The following DGKZ variants were observed in gnomAD, a reference collection of about 807,000 sequenced individuals.
DGKZ encodes the protein diacylglycerol kinase zeta.
DGKZ carries 45 observed loss-of-function variants against 142.5 expected under a neutral mutation model. That is an observed-to-expected ratio of 0.32 (90% CI 0.25 to 0.40). The LOEUF is 0.40. DGKZ is among the 10% of genes least tolerant of loss of function. The pLI, the probability that DGKZ is intolerant of heterozygous loss-of-function variation, is 1.00. For synonymous variants in DGKZ, 442 were observed against 527.0 expected (o/e 0.84, Z 2.21); for missense variants, 755 against 1,306.5 (o/e 0.58, Z 6.51).
intron 1 of DGKZ, chr11:46,366,289 G>T (rs769972291): frequency 8.2e-6 from 13 of 1,583,978 alleles, no homozygotes; most frequent in Non-Finnish European, 1.0e-5. Flanking sequence ...ATTTCCGGGG[G>T]AAGGTGCCAG....
Position 46,367,279 on chromosome 11 carries a change from T to C in DGKZ, c.162-12T>C, listed in dbSNP as rs1554953142. The C allele has an allele frequency of 9.3e-6, 15 of 1,609,222 alleles. No individual in the cohort carries two copies. The highest frequency in any genetic ancestry group is 1.3e-5 in the Non-Finnish European group (15 of 1,177,988). ...TGCTCAGCCCCCTCCTCAGCTGTCT[T>C]CTCCTCTCTAGGAAAGCCATCACCA... is the stretch of plus-strand genomic sequence containing the variant. On this transcript the variant is annotated splice_polypyrimidine_tract_variant and intron_variant, in intron 1 of 30. Transcript: ENST00000527911. The surrounding 1 kb of genome is among the most constrained non-coding windows in gnomAD (Gnocchi z 4.1).
At position 46,371,403 on chromosome 11, in the gene DGKZ, C is replaced by T. The variant is rs564949686; in HGVS notation, c.642+19C>T. On this transcript the variant is annotated intron_variant, in intron 7 of 30. Coordinates refer to ENST00000527911, the Ensembl canonical transcript of DGKZ. Reference sequence around the variant, plus strand: ...GCAGGCAGTGAGTGGTGCCCCCGCCCCCAGGGCCAGGCCCTGCACTGCTGG... The same window carrying T: ...GCAGGCAGTGAGTGGTGCCCCCGCCTCCAGGGCCAGGCCCTGCACTGCTGG... 2.4e-5 allele frequency: 39 copies of T among 1,613,106 alleles called. 1 individual carries two copies. The highest frequency in any genetic ancestry group is 3.3e-4 in the Middle Eastern group (2 of 6,056).
intron 1 of DGKZ, among the ~76,000 whole-genome samples, chr11:46,355,944 C>G (rs1036760235): frequency 3.3e-5 from 5 of 152,038 alleles, no homozygotes; most frequent in African/African-American, 1.2e-4. Flanking sequence ...TGGAGTTTCT[C>G]CATGTTGGTC....
At chr11:46,345,509 C>T (rs960379288), upstream of DGKZ, 8 of 1,518,860 alleles carry the variant, frequency 5.3e-6, no homozygotes, top group Admixed American at 1.8e-4. This position sits in a 1 kb window ranked among gnomAD's most constrained non-coding sequence, Gnocchi z 4.1. Context: ...AGGGGAGCGG[C>T]CGGGGTCACT....
At chr11:46,373,498 GT>G (rs1421551564) in intron 14 of DGKZ, among the ~76,000 whole-genome samples, 56 of 79,896 alleles carry the variant, frequency 7.0e-4, no homozygotes, top group African/African-American at 3.8e-3. Flanking sequence ...TTTTTTTTTT[GT>G]TTTTGTTTTT....
In DGKZ at chr11:46,377,320, G is replaced by A. The variant is rs1446271714; in HGVS notation, c.2342+108G>A. ...CCCCTCCACCAGTTAACTAAATGGT[G>A]TCAACCTGAACCTGGCCAAAGCCCA... On this transcript the variant is annotated intron_variant, in intron 25 of 30. Coordinates refer to ENST00000527911, the Ensembl canonical transcript of DGKZ. 2.1e-6 allele frequency: 3 copies of A among 1,447,874 alleles called. No homozygotes were observed. The African/African-American group carries it at 4.3e-5, about 21-fold the overall frequency. 89.7% of individuals were successfully genotyped at this position (1,447,874 alleles called of 1,614,324 possible).
chr11:46,357,938 G>T (rs1469519219), intron 1 of DGKZ, among the ~76,000 whole-genome samples: 2 of 152,218 alleles, frequency 1.3e-5, no homozygotes, highest in African/African-American at 4.8e-5. Flanking sequence ...GGCTTGGTTA[G>T]AACTAAGGCT....
chr11:46,376,063 C>A lies in DGKZ; in HGVS notation c.2012-3C>A. ...AGCTGCTGACAGGTGCTCTGTTCTC[C>A]AGCTGTGCCGCTGGGCACTGTGGTG... is the stretch of plus-strand genomic sequence containing the variant. On this transcript the variant is annotated splice_region_variant and splice_polypyrimidine_tract_variant and intron_variant, in intron 21 of 30. Coordinates refer to ENST00000527911, the Ensembl canonical transcript of DGKZ. 3 of 1,612,110 alleles carry A rather than the reference C, an allele frequency of 1.9e-6. No homozygotes were observed. The highest frequency in any genetic ancestry group is 2.5e-6 in the Non-Finnish European group (3 of 1,179,952).
chr11:46,378,272 G>C, intron 26 of DGKZ, 43 bp downstream of exon 26: 1 of 1,585,548 alleles, frequency 6.3e-7, no homozygotes, highest in Non-Finnish European at 8.6e-7. Flanking sequence ...TGCCTGGTTG[G>C]GGGCAGGAGG....
chr11:46,376,318 C>G lies in DGKZ; in HGVS notation c.2092-10C>G. 6.2e-6 allele frequency: 10 copies of G among 1,613,986 alleles called. No homozygotes were observed. The highest frequency in any genetic ancestry group is 7.6e-6 in the Non-Finnish European group (9 of 1,179,980). On this transcript the variant is annotated splice_polypyrimidine_tract_variant and intron_variant, in intron 22 of 30. Transcript: ENST00000527911. ...CTCTATCCCAGCCTGGCCTTTGCTT[C>G]TCTCAACAGGAGCCCGATGGTGCTG...
At chr11:46,365,822 ACCGAC>A (rs1337655494) in intron 1 of DGKZ, 12 of 985,428 alleles carry the variant, frequency 1.2e-5, no homozygotes, top group Non-Finnish European at 1.3e-5. Context: ...ATCCAGGCAG[ACCGAC>A]TCCCCATTTT....
intron 29 of DGKZ, 65 bp from the exon 30 acceptor site, chr11:46,379,404 C>T (rs1400048695): frequency 1.3e-6 from 2 of 1,585,062 alleles, no homozygotes; most frequent in African/African-American, 2.7e-5. Context: ...TCTGATGGCC[C>T]TTGGGAGACA....
chr11:46,379,459 G>A lies in DGKZ; in HGVS notation c.2579G>A (p.Cys860Tyr). Residue 860 changes from cysteine to tyrosine, a missense_variant, in exon 30 of 31, where the codon TGC becomes TAC. Cys to Tyr is a radical substitution (Grantham distance 194). Transcript: ENST00000527911. ...GGGATGGGGTACACAGCCAGCCCCT[G>A]CTCCCCCAGCGGGGAGACCTGTTTG... The A allele has an allele frequency of 6.2e-7, 1 of 1,606,180 alleles. No homozygotes were observed. The highest frequency in any genetic ancestry group is 8.5e-7 in the Non-Finnish European group (1 of 1,176,868).
At chr11:46,371,735 G>A in exon 9 of DGKZ, 7 of 1,613,806 alleles carry the variant, frequency 4.3e-6, no homozygotes, top group Non-Finnish European at 5.9e-6. Context: ...AAGAAGAAGA[G>A]GGCATCCTTC....
chr11:46,371,616 T>C lies in DGKZ; in HGVS notation c.759+13T>C. ...CCGGAGGCCCCAGGTGAGTACTGCC[T>C]GCACCCTTGATGCCCCGTACGCACT... On this transcript the variant is annotated intron_variant, in intron 8 of 30. Coordinates refer to ENST00000527911, the Ensembl canonical transcript of DGKZ. 1 of 1,613,158 alleles carries C rather than the reference T, an allele frequency of 6.2e-7. No homozygotes were observed. Among genetic ancestry groups the C allele is most frequent in the Non-Finnish European group, 8.5e-7 (1 of 1,179,616 alleles).
upstream of DGKZ, among the ~76,000 whole-genome samples, chr11:46,344,041 CCGAATTCAAA>C (rs888744082): frequency 1.3e-5 from 2 of 152,022 alleles, no homozygotes; most frequent in Non-Finnish European, 2.9e-5. Flanking sequence ...ACTCCGCCTC[CCGAATTCAAA>C]CGATTCTCCT....
At chr11:46,361,531 A>G in intron 1 of DGKZ, 1 of 695,482 alleles carries the variant, frequency 1.4e-6, no homozygotes, top group Non-Finnish European at 1.8e-6. Context: ...TATTTTCATA[A>G]CGGCTGTCTC....
chr11:46,352,034 G>C (rs1941444278), intron 1 of DGKZ, among the ~76,000 whole-genome samples: 1 of 152,214 alleles, frequency 6.6e-6, no homozygotes, highest in African/African-American at 2.4e-5. Context: ...GTGAGAGAAA[G>C]CTGAGGCTCC....
intron 25 of DGKZ, chr11:46,377,677 G>GC (rs905427978): frequency 9.0e-6 from 2 of 221,578 alleles, no homozygotes; most frequent in African/African-American, 4.7e-5. Flanking sequence ...TTCTCCCCAG[G>GC]CCCCCCGTCA....
Sources: gnomAD v4.1 joint callset for allele counts (sites outside exome capture counted in the v4.1 genomes callset) on GRCh38, gnomAD v4.1.1 for gene constraint, Gnocchi (gnomAD v3.1) non-coding constraint, MANE v1.5 for transcripts, NCBI Gene and HGNC (gene_info 2026-07-23, HGNC 2026-07-21) for gene names.